PNPLA8: variants seen among roughly 807,000 people sequenced by gnomAD.
PNPLA8 encodes patatin like domain 8, phospholipase A2, also known as calcium-independent phospholipase A2-gamma.
In PNPLA8, 39 loss-of-function variants were observed where a neutral mutation model predicts 76.9. The ratio of observed to expected loss-of-function variants is 0.51; its 90% CI spans 0.39 to 0.66. PNPLA8 has a LOEUF of 0.66. Ranked by LOEUF, PNPLA8 falls within the 30% of genes least tolerant of loss-of-function variation. The pLI, the probability that PNPLA8 is intolerant of heterozygous loss-of-function variation, is 0.00. For synonymous variants in PNPLA8, 301 were observed against 307.9 expected (o/e 0.98, Z 0.24); for missense variants, 887 against 918.0 (o/e 0.97, Z 0.44).
rs544211416 is a variant in PNPLA8 at position 108,472,270 on chromosome 7, C to T, written c.*131G>A. On this transcript the variant is annotated 3_prime_UTR_variant, in exon 11 of 11. Coordinates refer to ENST00000257694, the MANE Select transcript of PNPLA8 (RefSeq NM_001256007.3). ...GTGCTATGCAAGCTGGTTGAAGCAC[C>T]GTCTTTTTCAGGATTCTCCAGAATT... The T allele has an allele frequency of 2.8e-5, 18 of 638,968 alleles. No homozygotes were observed. Among genetic ancestry groups the T allele is most frequent in the South Asian group, 8.7e-5 (4 of 46,098 alleles). The allele number at this position is 638,968 out of a possible 1,614,324, so 39.6% of individuals were successfully genotyped here.
In PNPLA8 at chr7:108,514,681, T is replaced by G. The variant is rs775086656; in HGVS notation, c.811A>C (p.Ser271Arg). ...AGAACATCAGGTATCGCAGAAGGAC[T>G]TGTAGGCTTGTCCACCGTATGTACA... ...ESVHTVDKPT[S>R]PSAIPDVLQV... Residue 271 changes from serine to arginine, a missense_variant, in exon 3 of 11, where the codon AGT (serine) becomes CGT (arginine). By Grantham distance (110) the Ser-to-Arg change is moderately radical. Transcript: ENST00000257694. 6.2e-7 allele frequency: 1 copy of G among 1,614,038 alleles called. No homozygotes were observed. Among genetic ancestry groups the G allele is most frequent in the South Asian group, 1.1e-5 (1 of 91,082 alleles).
In PNPLA8 at chr7:108,514,187, A is replaced by T. The variant is rs781557541; in HGVS notation, c.1163T>A (p.Phe388Tyr). Residue 388 changes from phenylalanine to tyrosine, a missense_variant, in exon 4 of 11, where the codon TTT (phenylalanine) becomes TAT (tyrosine). Coordinates refer to ENST00000257694, the MANE Select transcript of PNPLA8 (RefSeq NM_001256007.3). ...LCITRVEELT[F>Y]HLLEFPEGKG... ...TCCTTCAGGAAATTCTAGAAGATGA[A>T]AAGTCAGTTCTTCAACCCTAGTAAT... is the stretch of plus-strand genomic sequence containing the variant. The T allele has an allele frequency of 6.2e-7, 1 of 1,608,932 alleles. No individual in the cohort carries two copies. The highest frequency in any genetic ancestry group is 8.5e-7 in the Non-Finnish European group (1 of 1,176,238).
rs768256553 is a variant in PNPLA8 at position 108,515,396 on chromosome 7, C to G, written c.96G>C (p.Leu32Phe). ...TCCTCCAGTAATGCTTAGGTGAGAA[C>G]AAGAAATACAGTTGCTTGCTTCTCT... Reference protein sequence around the residue: ...GKQRSKQLYFLFSPKHYWRIS... With the variant: ...GKQRSKQLYFFFSPKHYWRIS... Residue 32 changes from leucine (L) to phenylalanine (F), a missense_variant, in exon 3 of 11, where the codon TTG (leucine) becomes TTC (phenylalanine). Physicochemically the swap from Leu to Phe is conservative, Grantham distance 22. Transcript: ENST00000257694. The G allele has an allele frequency of 2.5e-6, 4 of 1,612,544 alleles. No homozygotes were observed. The highest frequency in any genetic ancestry group is 3.4e-6 in the Non-Finnish European group (4 of 1,179,300).
At chr7:108,518,756 T>TAC (rs1478315521) in intron 2 of PNPLA8, among the ~76,000 whole-genome samples, 17 of 126,078 alleles carry the variant, frequency 1.3e-4, no homozygotes, top group East Asian at 9.4e-4. Flanking sequence ...TATATATATA[T>TAC]ATACACACAC....
At chr7:108,517,191 C>G (rs571335890) in intron 2 of PNPLA8, among the ~76,000 whole-genome samples, 2 of 152,044 alleles carry the variant, frequency 1.3e-5, no homozygotes, top group Non-Finnish European at 2.9e-5. Flanking sequence ...AAAATGCAAA[C>G]TAAAATAACC....
At chr7:108,520,975 G>T (rs1204692733) in intron 2 of PNPLA8, among the ~76,000 whole-genome samples, 1 of 152,100 alleles carries the variant, frequency 6.6e-6, no homozygotes, top group Non-Finnish European at 1.5e-5. Flanking sequence ...AGGTTTAAGA[G>T]GACCCACAGG....
chr7:108,487,979 C>T (rs769572138), intron 8 of PNPLA8, 26 bp from the exon 9 acceptor site: 2 of 1,365,110 alleles, frequency 1.5e-6, no homozygotes, highest in South Asian at 1.2e-5. Flanking sequence ...GTGAACAATT[C>T]CATCATTAAC....
Position 108,502,532 on chromosome 7 carries a change from C to G in PNPLA8, c.1317G>C (p.Gly439=). The G allele has an allele frequency of 1.2e-6, 2 of 1,612,364 alleles. No individual in the cohort carries two copies. Among genetic ancestry groups the G allele is most frequent in the South Asian group, 1.1e-5 (1 of 90,996 alleles). ...ALIGYVDPVK[G]RGIRILSIDG... Reference sequence around the variant, plus strand: ...CAATTGAGAGAATTCGGATTCCTCTCCCTTTCACTGGATCCACATAGCCAA... The same window carrying G: ...CAATTGAGAGAATTCGGATTCCTCTGCCTTTCACTGGATCCACATAGCCAA... The change falls in exon 5 of 11, where the codon GGG becomes GGC. Residue 439 remains glycine, a synonymous_variant. Coordinates refer to ENST00000257694, the MANE Select transcript of PNPLA8 (RefSeq NM_001256007.3).
At chr7:108,527,042 C>T (rs117342116), upstream of PNPLA8, among the ~76,000 whole-genome samples, 488 of 152,328 alleles carry the variant, frequency 3.2e-3, 20 homozygotes, top group East Asian at 0.061. Context: ...GCAATAGCCC[C>T]TTACCCTCTT....
intron 9 of PNPLA8, among the ~76,000 whole-genome samples, chr7:108,484,679 C>A: frequency 6.6e-6 from 1 of 152,114 alleles, no homozygotes; most frequent in East Asian, 1.9e-4. Flanking sequence ...GTTAAGCTGA[C>A]CCTGACAGAA....
intron 9 of PNPLA8, among the ~76,000 whole-genome samples, chr7:108,486,723 G>A (rs1276100786): frequency 6.6e-6 from 1 of 152,098 alleles, no homozygotes; most frequent in Non-Finnish European, 1.5e-5. Flanking sequence ...AAATGTTTTA[G>A]TTTAAATGAT....
chr7:108,497,523 T>G lies in PNPLA8; in HGVS notation c.1413A>C (p.Pro471=). ...AAATGTAATCAAAGAGCTGATGAAC[T>G]GGCTTCTGAGTAAGTTCAACTAATT... ...LRKLVELTQK[P]VHQLFDYICG... The change falls in exon 6 of 11, where the codon CCA becomes CCC. Residue 471 remains proline (P), a synonymous_variant. Coordinates refer to ENST00000257694, the MANE Select transcript of PNPLA8 (RefSeq NM_001256007.3). 6.2e-7 allele frequency: 1 copy of G among 1,612,336 alleles called. No homozygotes were observed. The highest frequency in any genetic ancestry group is 2.2e-5 in the East Asian group (1 of 44,776).
In PNPLA8 at chr7:108,482,821, G is replaced by T. The variant is rs546758382; in HGVS notation, c.1879-3442C>A. Among the ~76,000 whole-genome samples the T allele has an allele frequency of 1.1e-4, 17 of 152,194 alleles. 1 individual carries two copies. The South Asian group carries it at 3.3e-3, about 30-fold the overall frequency. ...TTTGGTTTCCAATTATTCTTTGCTT[G>T]TATATAGGAATATAATTGATTCTCC... On this transcript the variant is annotated intron_variant, in intron 9 of 10. Coordinates refer to ENST00000257694, the MANE Select transcript of PNPLA8 (RefSeq NM_001256007.3).
chr7:108,506,817 T>C (rs567175541), intron 4 of PNPLA8, among the ~76,000 whole-genome samples: 1 of 152,146 alleles, frequency 6.6e-6, no homozygotes. Flanking sequence ...CTGATCAACC[T>C]TTTTGGGAAC....
At chr7:108,527,127 C>A (rs1331744011), upstream of PNPLA8, among the ~76,000 whole-genome samples, 3 of 152,164 alleles carry the variant, frequency 2.0e-5, no homozygotes, top group East Asian at 3.8e-4. Flanking sequence ...AAAATGTTAT[C>A]AAGACTTATA....
At chr7:108,495,976 T>C (rs990871633) in intron 7 of PNPLA8, among the ~76,000 whole-genome samples, 15 of 152,172 alleles carry the variant, frequency 9.9e-5, no homozygotes, top group Non-Finnish European at 1.8e-4. Flanking sequence ...TGTGGATGAT[T>C]TTATGCTTAT....
At chr7:108,504,162 A>T (rs747258466) in intron 4 of PNPLA8, among the ~76,000 whole-genome samples, 2 of 152,204 alleles carry the variant, frequency 1.3e-5, no homozygotes, top group Non-Finnish European at 2.9e-5. Flanking sequence ...GCTCCACTCA[A>T]ATGCCAAACA....
chr7:108,495,568 T>A (rs1007666415), intron 7 of PNPLA8, among the ~76,000 whole-genome samples: 1 of 152,182 alleles, frequency 6.6e-6, no homozygotes, highest in Non-Finnish European at 1.5e-5. Flanking sequence ...GTTTTCTCGA[T>A]ATATTTTCTA....
intron 9 of PNPLA8, among the ~76,000 whole-genome samples, chr7:108,486,173 T>C (rs1460388068): frequency 2.0e-5 from 3 of 152,060 alleles, no homozygotes; most frequent in Non-Finnish European, 2.9e-5. Context: ...AAAGAGCAAA[T>C]GAAATAACTT....
Sources: allele counts gnomAD v4.1 joint callset (sites outside exome capture counted in the v4.1 genomes callset), GRCh38; gene constraint gnomAD v4.1.1; transcripts MANE v1.5; gene names NCBI Gene and HGNC (gene_info 2026-07-23, HGNC 2026-07-21).